GRHL2: variants seen among roughly 807,000 people sequenced by gnomAD.
GRHL2 encodes the protein grainyhead-like protein 2 homolog.
In GRHL2, 21 loss-of-function variants were observed where a neutral mutation model predicts 83.8. The observed-to-expected ratio is 0.25, with a 90% CI of 0.18 to 0.36. The LOEUF (loss-of-function observed/expected upper bound fraction) is 0.36. GRHL2 is among the 10% of genes least tolerant of loss of function. GRHL2 has a pLI of 1.00. For synonymous variants in GRHL2, 280 were observed against 278.9 expected (o/e 1.00, Z -0.04); for missense variants, 623 against 781.8 (o/e 0.80, Z 2.42).
chr8:101,562,059 C>T, intron 4 of GRHL2: 1 of 733,748 alleles, frequency 1.4e-6, no homozygotes, highest in Non-Finnish European at 2.4e-6. Flanking sequence ...TCTCTTCCAA[C>T]TACTTCCCTT....
intron 1 of GRHL2, among the ~76,000 whole-genome samples, chr8:101,509,374 C>T (rs1259571587): frequency 6.6e-6 from 1 of 151,536 alleles, no homozygotes; most frequent in African/African-American, 2.4e-5. Context: ...AAAAACCTTT[C>T]CTAGAGCTGC....
chr8:101,627,328 CATT>C (rs1291524943), intron 9 of GRHL2, among the ~76,000 whole-genome samples: 4 of 152,068 alleles, frequency 2.6e-5, no homozygotes, highest in South Asian at 4.2e-4. Flanking sequence ...CAAACATTTT[CATT>C]ATTATTATAT....
rs1812849880 is a variant in GRHL2 at position 101,616,088 on chromosome 8, CTCTTTCTTTCTTCTT to C, written c.1099-3437_1099-3423del. On this transcript the variant is annotated intron_variant, in intron 8 of 15. Transcript: ENST00000646743. ...CCCCTCCTCCTCCCTCCCTCCCTTT[CTCTTTCTTTCTTCTT>C]TCTTTCTTTCTTCCTCTTTCTTTCT... Among the ~76,000 whole-genome samples the C allele has an allele frequency of 5.0e-5, 7 of 139,520 alleles. No individual in the cohort carries two copies. The South Asian group carries it at 1.3e-3, about 26-fold the overall frequency. 91.5% of individuals were successfully genotyped at this position (139,520 alleles called of 152,430 possible).
chr8:101,521,848 A>G (rs1449383637), intron 1 of GRHL2, among the ~76,000 whole-genome samples: 2 of 152,208 alleles, frequency 1.3e-5, no homozygotes, highest in African/African-American at 4.8e-5. Context: ...GCTGACTTGA[A>G]CTAATCAGTT....
At chr8:101,640,312 T>A (rs1186908032) in intron 12 of GRHL2, among the ~76,000 whole-genome samples, 1 of 152,030 alleles carries the variant, frequency 6.6e-6, no homozygotes, top group African/African-American at 2.4e-5. Context: ...AGAATTTGAT[T>A]TTTTTTTAAA....
At chr8:101,646,142 C>T (rs1813506738) in intron 13 of GRHL2, among the ~76,000 whole-genome samples, 1 of 152,182 alleles carries the variant, frequency 6.6e-6, no homozygotes, top group African/African-American at 2.4e-5. Flanking sequence ...GCTGGGATTA[C>T]AGGTATTAGC....
intron 1 of GRHL2, among the ~76,000 whole-genome samples, chr8:101,541,237 T>C (rs966143051): frequency 1.3e-5 from 2 of 151,984 alleles, no homozygotes; most frequent in Non-Finnish European, 2.9e-5. Context: ...GGTACATATG[T>C]TTTTTTCCAT....
At chr8:101,620,853 T>C (rs1201692430) in intron 9 of GRHL2, among the ~76,000 whole-genome samples, 1 of 152,044 alleles carries the variant, frequency 6.6e-6, no homozygotes, top group East Asian at 1.9e-4. Flanking sequence ...GGACTGAGCA[T>C]TGAAATGTTT....
intron 8 of GRHL2, among the ~76,000 whole-genome samples, chr8:101,609,770 A>G (rs1573281): frequency 0.5 from 75,110 of 150,504 alleles, 21,077 homozygotes; most frequent in African/African-American, 0.71. Flanking sequence ...TTGTATTTGC[A>G]TAACATGTTT....
At chr8:101,639,386 GC>G (rs1813352873) in intron 12 of GRHL2, among the ~76,000 whole-genome samples, 1 of 152,182 alleles carries the variant, frequency 6.6e-6, no homozygotes, top group African/African-American at 2.4e-5. Context: ...TAGGCACCGT[GC>G]TAAGTGCTTT....
In GRHL2 at chr8:101,555,927, C is replaced by G. The variant is rs929305655; in HGVS notation, c.285-2492C>G. ...AGGCTAATGGGCTTCCTTCTTTACACACAGGAGCCAGAAGAGCCCAGTTCT... is the reference window on the plus strand; with the variant it reads ...AGGCTAATGGGCTTCCTTCTTTACAGACAGGAGCCAGAAGAGCCCAGTTCT... On this transcript the variant is annotated intron_variant, in intron 3 of 15. Transcript: ENST00000646743. 3.5e-4 allele frequency among the ~76,000 whole-genome samples: 53 copies of G among 152,136 alleles called. 1 individual carries two copies. Among genetic ancestry groups the G allele is most frequent in the Admixed American group, 3.1e-3 (48 of 15,270 alleles).
chr8:101,572,848 A>C (rs1000958605), intron 5 of GRHL2, among the ~76,000 whole-genome samples: 1 of 152,244 alleles, frequency 6.6e-6, no homozygotes, highest in African/African-American at 2.4e-5. Flanking sequence ...TAGAGCAGGG[A>C]TCTGCACACT....
At chr8:101,536,770 T>A (rs1811053850) in intron 1 of GRHL2, among the ~76,000 whole-genome samples, 1 of 152,194 alleles carries the variant, frequency 6.6e-6, no homozygotes, top group Non-Finnish European at 1.5e-5. Context: ...ATTCTTTTTT[T>A]CTTTTTAACT....
At chr8:101,639,444 T>G (rs1039256118) in intron 12 of GRHL2, among the ~76,000 whole-genome samples, 21 of 152,334 alleles carry the variant, frequency 1.4e-4, no homozygotes, top group Admixed American at 1.0e-3. Context: ...GACTCCCATT[T>G]TATAATGAGG....
rs781720355 is a variant in GRHL2 at position 101,552,762 on chromosome 8, C to A, written c.264C>A (p.Ser88Arg). 19 of 1,613,858 alleles carry A rather than the reference C, an allele frequency of 1.2e-5. No homozygotes were observed. The highest frequency in any genetic ancestry group is 8.5e-7 in the Non-Finnish European group (1 of 1,179,954). The change falls in exon 3 of 16, where the codon AGC becomes AGA. Residue 88 changes from serine (S) to arginine (R), a missense_variant. Physicochemically the swap from Ser to Arg is moderately radical, Grantham distance 110. Transcript: ENST00000646743. ...TGTCTGTAAGCAAAGCAAGTGACAG[C>A]CAAGAAGACCAGGAGAAAAGGTAAA... ...RLLSVSKASD[S>R]QEDQEKRNCL...
intron 1 of GRHL2, among the ~76,000 whole-genome samples, chr8:101,509,637 GAT>G (rs1055731043): frequency 6.6e-6 from 1 of 151,954 alleles, no homozygotes; most frequent in Admixed American, 6.6e-5. Context: ...TAGCCTTTTA[GAT>G]ATATATATAT....
chr8:101,507,385 C>T (rs1810362007), intron 1 of GRHL2, among the ~76,000 whole-genome samples: 1 of 151,830 alleles, frequency 6.6e-6, no homozygotes, highest in Admixed American at 6.6e-5. Flanking sequence ...TTTCATTTTA[C>T]CCTTTTTTTA....
At chr8:101,675,790 C>T in the GRHL2 span, among the ~76,000 whole-genome samples, 1,090 of 143,816 alleles carry the variant, frequency 7.6e-3, 13 homozygotes, top group African/African-American at 0.026. Context: ...GGAGGCATCA[C>T]GCTACCTGAC....
chr8:101,680,061 A>AT, the GRHL2 span, among the ~76,000 whole-genome samples: 2 of 119,672 alleles, frequency 1.7e-5, 1 homozygote, highest in Non-Finnish European at 3.4e-5. Flanking sequence ...ACAGGATCAA[A>AT]TTCACACATA....
Sources: allele counts gnomAD v4.1 joint callset (sites outside exome capture counted in the v4.1 genomes callset), GRCh38; gene constraint gnomAD v4.1.1; transcripts MANE v1.5; gene names NCBI Gene and HGNC (gene_info 2026-07-23, HGNC 2026-07-21).